Variants in RARS1 observed in about 807,000 individuals in gnomAD.
The protein encoded by RARS1 is arginine--tRNA ligase, cytoplasmic.
A neutral mutation model predicts 78.7 loss-of-function variants in RARS1; 75 were observed. That is an observed-to-expected ratio of 0.95 (90% CI 0.79 to 1.15). The LOEUF is 1.15. RARS1 is among the 50% of genes most tolerant of loss of function. The pLI is 0.00. For missense variants in RARS1, 787 were observed against 787.5 expected, an observed-to-expected ratio of 1.00 and a Z score of 0.01; for synonymous variants, 273 against 268.2, an observed-to-expected ratio of 1.02 and a Z score of -0.18.
intron 1 of RARS1, chr5:168,488,365 T>C (rs946146482): frequency 3.9e-5 from 17 of 431,788 alleles, no homozygotes; most frequent in African/African-American, 3.5e-4. Context: ...TGGCCTCAAG[T>C]CATCCACCTG....
intron 12 of RARS1, among the ~76,000 whole-genome samples, chr5:168,511,846 A>G (rs1196987762): frequency 6.6e-6 from 1 of 152,012 alleles, no homozygotes; most frequent in East Asian, 1.9e-4. Flanking sequence ...TTCCATGTGC[A>G]TCAGTAGTTC....
At position 168,518,071 on chromosome 5, in the gene RARS1, CTTTTTT is replaced by C. The variant is rs747777615; in HGVS notation, c.1873+28_1873+33del. The stretch of plus-strand genomic sequence containing the variant: ...GAAAGATAGACAGACTGGTGAGTGT[CTTTTTT>C]TTTTTTTTTTTTTTTTTTAGTGAGA... On this transcript the variant is annotated intron_variant, in intron 14 of 14. Transcript: ENST00000231572. 2.1e-3 allele frequency: 1,575 copies of C among 746,766 alleles called. 21 individuals are homozygous for C. The African/African-American group carries it at 0.026, about 12-fold the overall frequency. 46.3% of individuals were successfully genotyped at this position (746,766 alleles called of 1,614,324 possible).
intron 1 of RARS1, chr5:168,488,249 T>A: frequency 2.8e-6 from 1 of 361,006 alleles, no homozygotes; most frequent in African/African-American, 2.2e-5. Context: ...TGCCTCAGCC[T>A]CCCAAGTAGC....
chr5:168,489,063 C>G (rs1292474279), intron 2 of RARS1, among the ~76,000 whole-genome samples: 1 of 152,078 alleles, frequency 6.6e-6, no homozygotes, highest in African/African-American at 2.4e-5. Flanking sequence ...GTCTGTCACT[C>G]AGGCCAGAGT....
intron 5 of RARS1, 187 bp from the exon 6 acceptor site, chr5:168,495,128 A>G: frequency 1.0e-6 from 1 of 985,238 alleles, no homozygotes; most frequent in South Asian, 2.1e-5. Flanking sequence ...AAAATATACA[A>G]GCAGATCCAT....
At position 168,518,071 on chromosome 5, in the gene RARS1, C is replaced by CTTTTTTTTTTTGTTTTTT. The variant is rs1758710801; in HGVS notation, c.1873+20_1873+21insGTTTTTTTTTTTTTTTTT. On this transcript the variant is annotated intron_variant, in intron 14 of 14. Transcript: ENST00000231572. ...GAAAGATAGACAGACTGGTGAGTGTCTTTTTTTTTTTTTTTTTTTTTTTTA... is the reference window on the plus strand; with the variant it reads ...GAAAGATAGACAGACTGGTGAGTGTCTTTTTTTTTTTGTTTTTTTTTTTTTTTTTTTTTTTTTTTTTTA... 1.6e-6 allele frequency: 1 copy of CTTTTTTTTTTTGTTTTTT among 632,602 alleles called. No homozygotes were observed. The highest frequency in any genetic ancestry group is 1.1e-4 in the Admixed American group (1 of 8,944). The allele number at this position is 632,602 out of a possible 1,614,324, so 39.2% of individuals were successfully genotyped here.
Position 168,500,723 on chromosome 5 carries a change from G to T in RARS1, c.952+3G>T. 6.2e-7 allele frequency: 1 copy of T among 1,608,896 alleles called. No individual in the cohort carries two copies. Among genetic ancestry groups the T allele is most frequent in the Non-Finnish European group, 8.5e-7 (1 of 1,178,506 alleles). On this transcript the variant is annotated splice_donor_region_variant and intron_variant, in intron 8 of 14. Coordinates refer to ENST00000231572, the MANE Select transcript of RARS1 (RefSeq NM_002887.4). Reference sequence around the variant, plus strand: ...TATCTGTGATGTCTCCCGCCAAGGTGAGTTTCTGGGCTTTGTTCCTTCGTC... The same window carrying T: ...TATCTGTGATGTCTCCCGCCAAGGTTAGTTTCTGGGCTTTGTTCCTTCGTC...
Position 168,501,926 on chromosome 5 carries a change from A to G in RARS1, c.953-75A>G, listed in dbSNP as rs1205139574. The G allele has an allele frequency of 3.9e-6, 6 of 1,527,242 alleles. No homozygotes were observed. In the African/African-American group the frequency reaches 4.2e-5, roughly 11 times the overall value. The allele number at this position is 1,527,242 out of a possible 1,614,324, so 94.6% of individuals were successfully genotyped here. A position where few individuals can be genotyped will look rare whatever the true frequency, so the allele number is the denominator to read the frequency against. Reference sequence around the variant, plus strand: ...TATTTGTATTAATAAATTTATTTCAATGTAAGATGCATGTTTCCTGTTTTT... The same window carrying G: ...TATTTGTATTAATAAATTTATTTCAGTGTAAGATGCATGTTTCCTGTTTTT... On this transcript the variant is annotated intron_variant, in intron 8 of 14. Transcript: ENST00000231572.
Position 168,506,704 on chromosome 5 carries a change from T to C in RARS1, c.1237-18T>C. The C allele has an allele frequency of 6.4e-7, 1 of 1,564,532 alleles. No homozygotes were observed. The highest frequency in any genetic ancestry group is 8.7e-7 in the Non-Finnish European group (1 of 1,144,244). On this transcript the variant is annotated intron_variant, in intron 10 of 14. Transcript: ENST00000231572. ...TCTTTAAAGAAGACTAGCAAGTAAC[T>C]TTCCGTTTCTGTTGTAGTCTGTGCA...
intron 11 of RARS1, among the ~76,000 whole-genome samples, chr5:168,508,874 C>T (rs1455973398): frequency 7.3e-6 from 1 of 136,920 alleles, no homozygotes; most frequent in African/African-American, 2.5e-5. Context: ...ATGAGCTCCT[C>T]TCTGAAAGAG....
Position 168,494,634 on chromosome 5 carries a change from T to C in RARS1, c.563T>C (p.Leu188Pro). ...GTGAATGGAGTTCAACTACCTGCTCTGGGAGAGAATAAAAAGGTATATGTA... is the reference window on the plus strand; with the variant it reads ...GTGAATGGAGTTCAACTACCTGCTCCGGGAGAGAATAAAAAGGTATATGTA... Reference protein sequence around the residue: ...LLVNGVQLPALGENKKVIVDF... With the variant: ...LLVNGVQLPAPGENKKVIVDF... Residue 188 changes from leucine to proline, a missense_variant, in exon 5 of 15, where the codon CTG (leucine) becomes CCG (proline). Leu to Pro is a moderately conservative substitution (Grantham distance 98). Coordinates refer to ENST00000231572, the MANE Select transcript of RARS1 (RefSeq NM_002887.4). The C allele has an allele frequency of 6.3e-7, 1 of 1,591,890 alleles. No homozygotes were observed. The highest frequency in any genetic ancestry group is 1.1e-5 in the South Asian group (1 of 90,598).
chr5:168,486,525 C>G lies in RARS1; in HGVS notation c.27C>G (p.Ser9=). Residue 9 remains serine (S), a synonymous_variant, in exon 1 of 15, where the codon TCC becomes TCG. Transcript: ENST00000231572. ...TGGACGTACTGGTGTCTGAGTGCTCCGCGCGGCTGCTGCAGCAGGTTTGGA... is the reference window on the plus strand; with the variant it reads ...TGGACGTACTGGTGTCTGAGTGCTCGGCGCGGCTGCTGCAGCAGGTTTGGA... MDVLVSEC[S]ARLLQQEEEI... 6.4e-7 allele frequency: 1 copy of G among 1,558,854 alleles called. No individual in the cohort carries two copies. Among genetic ancestry groups the G allele is most frequent in the East Asian group, 2.4e-5 (1 of 42,182 alleles).
chr5:168,490,799 C>T (rs1758065915), intron 2 of RARS1, among the ~76,000 whole-genome samples: 1 of 152,084 alleles, frequency 6.6e-6, no homozygotes, highest in Non-Finnish European at 1.5e-5. Flanking sequence ...TGTGTAGGTA[C>T]ACACACATAC....
chr5:168,498,575 A>G (rs781260029), intron 7 of RARS1, among the ~76,000 whole-genome samples: 3 of 152,198 alleles, frequency 2.0e-5, no homozygotes, highest in Non-Finnish European at 2.9e-5. Flanking sequence ...TCAGTGTACC[A>G]ATGTTTACAT....
Position 168,518,024 on chromosome 5 carries a change from A to G in RARS1, c.1835A>G (p.Tyr612Cys), listed in dbSNP as rs770859555. ...CTGGCAACTGCTTTCACAGAGTTCT[A>G]TGATAGCTGCTACTGTGTGGAGAAA... is the stretch of plus-strand genomic sequence containing the variant. ...YELATAFTEF[Y>C]DSCYCVEKDR... The change falls in exon 14 of 15, where the codon TAT becomes TGT. Residue 612 changes from tyrosine (Y) to cysteine (C), a missense_variant. By Grantham distance (194) the Tyr-to-Cys change is radical (BLOSUM62 -2). Coordinates refer to ENST00000231572, the MANE Select transcript of RARS1 (RefSeq NM_002887.4). 3 of 1,523,384 alleles carry G rather than the reference A, an allele frequency of 2.0e-6. No homozygotes were observed. The highest frequency in any genetic ancestry group is 1.1e-5 in the South Asian group (1 of 89,668). 94.4% of individuals were successfully genotyped at this position (1,523,384 alleles called of 1,614,324 possible).
chr5:168,489,836 C>T (rs572216288), intron 2 of RARS1, among the ~76,000 whole-genome samples: 6 of 134,322 alleles, frequency 4.5e-5, no homozygotes, highest in East Asian at 2.2e-4. Context: ...TTTTTTGAGA[C>T]GGAGTCTCAC....
At chr5:168,490,640 T>G (rs1283278701) in intron 2 of RARS1, among the ~76,000 whole-genome samples, 1 of 152,186 alleles carries the variant, frequency 6.6e-6, no homozygotes, top group Non-Finnish European at 1.5e-5. Flanking sequence ...GTGATGGCCA[T>G]TCACCCTGTC....
rs535423245 is a variant in RARS1, at chr5:168,501,946, G to T, written c.953-55G>T. On this transcript the variant is annotated intron_variant, in intron 8 of 14. Coordinates refer to ENST00000231572, the MANE Select transcript of RARS1 (RefSeq NM_002887.4). ...TTTCAATGTAAGATGCATGTTTCCT[G>T]TTTTTAAAAAATTCTTATGCATTTT... The T allele has an allele frequency of 9.2e-5, 142 of 1,551,034 alleles. 1 individual carries two copies. In the South Asian group the frequency reaches 1.7e-3, roughly 18 times the overall value.
Position 168,497,208 on chromosome 5 carries a change from TATTCTCTG to T in RARS1, c.702-16_702-9del. On this transcript the variant is annotated splice_polypyrimidine_tract_variant and intron_variant, in intron 6 of 14. Coordinates refer to ENST00000231572, the MANE Select transcript of RARS1 (RefSeq NM_002887.4). ...CTTTATTATTTAAAAAATGATTATA[TATTCTCTG>T]ATTGGTGTTAGGTTAAATCATGTAG... 1 of 1,430,372 alleles carries T rather than the reference TATTCTCTG, an allele frequency of 7.0e-7. No individual in the cohort carries two copies. Among genetic ancestry groups the T allele is most frequent in the Non-Finnish European group, 9.2e-7 (1 of 1,082,344 alleles). The allele number at this position is 1,430,372 out of a possible 1,614,324, so 88.6% of individuals were successfully genotyped here. A position where few individuals can be genotyped will look rare whatever the true frequency, so the allele number is the denominator to read the frequency against.
Sources: allele counts gnomAD v4.1 joint callset (sites outside exome capture counted in the v4.1 genomes callset), GRCh38; gene constraint gnomAD v4.1.1; transcripts MANE v1.5; gene names NCBI Gene and HGNC (gene_info 2026-07-23, HGNC 2026-07-21).